Variants in TGFB3 observed in about 807,000 individuals in gnomAD.
TGFB3 encodes the protein transforming growth factor beta-3 proprotein.
TGFB3 carries 5 observed loss-of-function variants against 40.1 expected under a neutral mutation model. That is an observed-to-expected ratio of 0.12 (90% CI 0.07 to 0.26). TGFB3 has a LOEUF of 0.26. TGFB3 is among the 10% of genes least tolerant of loss of function. TGFB3 has a pLI of 1.00. For synonymous variants in TGFB3, 184 were observed against 205.6 expected (o/e 0.89, Z 0.90); for missense variants, 373 against 530.1 (o/e 0.70, Z 2.91).
chr14:75,959,489 G>T, intron 6 of TGFB3, 144 bp from the exon 7 acceptor site: 7 of 942,774 alleles, frequency 7.4e-6, no homozygotes, highest in Non-Finnish European at 8.3e-6. Flanking sequence ...ACTGTTGGGG[G>T]CCGGGTGCAG....
upstream of TGFB3, among the ~76,000 whole-genome samples, chr14:75,982,069 G>A (rs549986267): frequency 3.9e-5 from 6 of 152,256 alleles, no homozygotes; most frequent in Admixed American, 2.0e-4. The surrounding 1 kb of genome is among the most constrained non-coding windows in gnomAD (Gnocchi z 4.0). Context: ...GGGAGGGAGG[G>A]ACCAGCGCAC....
rs748598952 is a variant in TGFB3, at chr14:75,971,714, T to C, written c.357A>G (p.Glu119=). Residue 119 remains glutamate, a synonymous_variant, in exon 2 of 7, where the codon GAA becomes GAG. Coordinates refer to ENST00000238682, the MANE Select transcript of TGFB3 (RefSeq NM_003239.5). This position sits in a 1 kb window ranked among gnomAD's most constrained non-coding sequence, Gnocchi z 4.5. Reference sequence around the variant, plus strand: ...TAATTCCTTTAGGGCAGACAGCCAGTTCGTCTAGGAGATAAAGCAGAGCAG... The same window carrying C: ...TAATTCCTTTAGGGCAGACAGCCAGCTCGTCTAGGAGATAAAGCAGAGCAG... ...DMIQGLAEHN[E]LAVCPKGITS... 20 of 1,614,096 alleles carry C rather than the reference T, an allele frequency of 1.2e-5. No homozygotes were observed. Among genetic ancestry groups the C allele is most frequent in the Non-Finnish European group, 1.7e-5 (20 of 1,180,042 alleles).
In TGFB3 at chr14:75,971,568, ATCC is replaced by A; in HGVS notation, c.500_502del (p.Arg167del). 2 of 1,614,136 alleles carry A rather than the reference ATCC, an allele frequency of 1.2e-6. No individual in the cohort carries two copies. Among genetic ancestry groups the A allele is most frequent in the Non-Finnish European group, 1.7e-6 (2 of 1,180,012 alleles). On this transcript the variant is annotated inframe_deletion, in exon 2 of 7. Transcript: ENST00000238682. This position sits in a 1 kb window ranked among gnomAD's most constrained non-coding sequence, Gnocchi z 4.5. The stretch of plus-strand genomic sequence containing the variant: ...GAGAGGAGTTACCTGGAAGAGCTCG[ATCC>A]TCTGCTCATTCCGCTTAGAGCTGGG...
intron 4 of TGFB3, 94 bp downstream of exon 4, chr14:75,965,493 CT>C (rs1458104463): frequency 4.6e-6 from 5 of 1,098,526 alleles, no homozygotes; most frequent in Non-Finnish European, 7.0e-6. Context: ...AGCTTGGTTT[CT>C]TTTCTTGAGG....
intron 6 of TGFB3, 96 bp from the exon 7 acceptor site, chr14:75,959,441 G>A: frequency 6.7e-7 from 1 of 1,496,384 alleles, no homozygotes. Context: ...CAGAAGCTGA[G>A]CAAGTGCTAG....
At chr14:75,977,246 A>G (rs114252100) in intron 1 of TGFB3, among the ~76,000 whole-genome samples, 155 of 152,358 alleles carry the variant, frequency 1.0e-3, no homozygotes, top group African/African-American at 3.6e-3. Context: ...GAACAGAGAC[A>G]GATAATTACA....
At chr14:75,968,670 G>A (rs1033850776) in intron 3 of TGFB3, among the ~76,000 whole-genome samples, 21 of 152,172 alleles carry the variant, frequency 1.4e-4, no homozygotes, top group Admixed American at 2.6e-4. Flanking sequence ...GCAGATCCAC[G>A]TGGGTTCTCC....
At chr14:75,962,717 A>G (rs1414742504) in intron 5 of TGFB3, among the ~76,000 whole-genome samples, 1 of 152,202 alleles carries the variant, frequency 6.6e-6, no homozygotes, top group Non-Finnish European at 1.5e-5. Flanking sequence ...CCCTTTTAGT[A>G]GTTGGCATGC....
At position 75,978,532 on chromosome 14, in the gene TGFB3, G is replaced by A. The variant is rs549147427; in HGVS notation, c.352+2010C>T. Among the ~76,000 whole-genome samples, 8 of 152,164 alleles carry A rather than the reference G, an allele frequency of 5.3e-5. No homozygotes were observed. The highest frequency in any genetic ancestry group is 7.3e-5 in the Non-Finnish European group (5 of 68,030). ...TTGTACCTGTGAGCCTCATAGCATCGCACGTTGGCTCCTCCCCAGCATCCT... is the reference window on the plus strand; with the variant it reads ...TTGTACCTGTGAGCCTCATAGCATCACACGTTGGCTCCTCCCCAGCATCCT... On this transcript the variant is annotated intron_variant, in intron 1 of 6. Transcript: ENST00000238682. This position sits in a 1 kb window ranked among gnomAD's most constrained non-coding sequence, Gnocchi z 5.0.
At chr14:75,975,556 T>A (rs972602106) in intron 1 of TGFB3, among the ~76,000 whole-genome samples, 13 of 152,222 alleles carry the variant, frequency 8.5e-5, no homozygotes, top group African/African-American at 3.1e-4. Flanking sequence ...TTTTATTACT[T>A]CATGTGACCT....
chr14:75,963,545 G>C lies in TGFB3; in HGVS notation c.755-58C>G, dbSNP rs916405024. 6.4e-5 allele frequency: 103 copies of C among 1,606,842 alleles called. No homozygotes were observed. The African/African-American group carries it at 1.2e-3, about 19-fold the overall frequency. ...TCTGAAGAGAGCAGAGCCCTTGGAG[G>C]CTGCCTCCTCCACACGCCCCATCAC... On this transcript the variant is annotated intron_variant, in intron 4 of 6. Coordinates refer to ENST00000238682, the MANE Select transcript of TGFB3 (RefSeq NM_003239.5).
At position 75,971,231 on chromosome 14, in the gene TGFB3, C is replaced by T; in HGVS notation, c.541G>A (p.Ala181Thr). 3 of 1,614,178 alleles carry T rather than the reference C, an allele frequency of 1.9e-6. No homozygotes were observed. Residue 181 changes from alanine to threonine, a missense_variant, in exon 3 of 7, where the codon GCC (alanine) becomes ACC (threonine). Ala to Thr is a moderately conservative substitution (Grantham distance 58). Transcript: ENST00000238682. This position sits in a 1 kb window ranked among gnomAD's most constrained non-coding sequence, Gnocchi z 4.5. ...FQILRPDEHI[A>T]KQRYIGGKNL... ...TTGCCACCGATATAGCGCTGTTTGG[C>T]AATGTGCTCATCTGGCCGAAGGATC...
intron 6 of TGFB3, among the ~76,000 whole-genome samples, chr14:75,959,777 GAAAAA>G (rs565684186): frequency 7.5e-6 from 1 of 134,216 alleles, no homozygotes; most frequent in Non-Finnish European, 1.6e-5. Flanking sequence ...TCAAAAAAAA[GAAAAA>G]AAAAAAAACT....
At chr14:75,982,970 T>C (rs1035650101), upstream of TGFB3, 5 of 152,330 alleles carry the variant, frequency 3.3e-5, no homozygotes, top group Admixed American at 6.5e-5. This position sits in a 1 kb window ranked among gnomAD's most constrained non-coding sequence, Gnocchi z 4.0. Context: ...CTTTCGCTCC[T>C]CTTCTCGGCC....
In TGFB3 at chr14:75,980,396, G is replaced by A. The variant is rs2035410194; in HGVS notation, c.352+146C>T. On this transcript the variant is annotated intron_variant, in intron 1 of 6. Transcript: ENST00000238682. The surrounding 1 kb of genome is among the most constrained non-coding windows in gnomAD (Gnocchi z 4.3). ...CCCCACCCACCTCCCCAGCCCCAACGGAGGAGCATCGCACATCCTGAGCCT... is the reference window on the plus strand; with the variant it reads ...CCCCACCCACCTCCCCAGCCCCAACAGAGGAGCATCGCACATCCTGAGCCT... 7 of 862,992 alleles carry A rather than the reference G, an allele frequency of 8.1e-6. No individual in the cohort carries two copies. Among genetic ancestry groups the A allele is most frequent in the South Asian group, 2.8e-5 (2 of 72,200 alleles). 53.5% of individuals were successfully genotyped at this position (862,992 alleles called of 1,614,324 possible).
At chr14:75,968,813 C>T (rs1037433213) in intron 3 of TGFB3, among the ~76,000 whole-genome samples, 1 of 152,168 alleles carries the variant, frequency 6.6e-6, no homozygotes, top group East Asian at 1.9e-4. Flanking sequence ...GGGGAATTTT[C>T]TCATTTATGT....
chr14:75,980,765 A>C lies in TGFB3; in HGVS notation c.129T>G (p.Ile43Met). The C allele has an allele frequency of 6.2e-7, 1 of 1,614,094 alleles. No individual in the cohort carries two copies. Among genetic ancestry groups the C allele is most frequent in the Non-Finnish European group, 8.5e-7 (1 of 1,180,010 alleles). ...GHIKKKRVEA[I>M]RGQILSKLRL... ...TGAGCTTGCTCAAGATCTGTCCCCT[A>C]ATGGCTTCCACCCTCTTCTTCTTGA... The change falls in exon 1 of 7, where the codon ATT becomes ATG. Residue 43 changes from isoleucine (I) to methionine (M), a missense_variant. By Grantham distance (10) the Ile-to-Met change is conservative. Transcript: ENST00000238682. This position sits in a 1 kb window ranked among gnomAD's most constrained non-coding sequence, Gnocchi z 4.3.
At chr14:75,973,869 C>T (rs1383451449) in intron 1 of TGFB3, among the ~76,000 whole-genome samples, 5 of 152,188 alleles carry the variant, frequency 3.3e-5, no homozygotes, top group Non-Finnish European at 7.3e-5. Flanking sequence ...GGGCCGGGCA[C>T]GGTGGCTCAC....
intron 6 of TGFB3, among the ~76,000 whole-genome samples, chr14:75,959,869 C>G (rs781322124): frequency 5.1e-5 from 7 of 138,016 alleles, no homozygotes; most frequent in Non-Finnish European, 9.1e-5. Context: ...AACAACTGCA[C>G]TTGTTTGGGG....
Sources: allele counts gnomAD v4.1 joint callset (sites outside exome capture counted in the v4.1 genomes callset), GRCh38; gene constraint gnomAD v4.1.1; non-coding constraint Gnocchi (gnomAD v3.1); transcripts MANE v1.5; gene names NCBI Gene and HGNC (gene_info 2026-07-23, HGNC 2026-07-21).